Variants in IL15RA observed in about 807,000 individuals in gnomAD.
The protein encoded by IL15RA is interleukin 15 receptor subunit alpha.
In IL15RA, 26 loss-of-function variants were observed where a neutral mutation model predicts 24.2. The ratio of observed to expected loss-of-function variants is 1.07; its 90% CI spans 0.79 to 1.49. IL15RA has a LOEUF of 1.49. IL15RA is among the 40% of genes most tolerant of loss of function. The pLI, the probability that IL15RA is intolerant of heterozygous loss-of-function variation, is 0.00. For missense variants in IL15RA, 354 were observed against 356.4 expected (o/e 0.99, Z 0.05); for synonymous variants, 166 against 157.6 (o/e 1.05, Z -0.40).
Position 5,964,684 on chromosome 10 carries a change from G to A in IL15RA, c.284-843C>T, listed in dbSNP as rs937257976. Among the ~76,000 whole-genome samples the A allele has an allele frequency of 2.6e-5, 4 of 152,082 alleles. No individual in the cohort carries two copies. The highest frequency in any genetic ancestry group is 4.8e-5 in the African/African-American group (2 of 41,402). On this transcript the variant is annotated intron_variant, in intron 2 of 6. Transcript: ENST00000379977. This position sits in a 1 kb window ranked among gnomAD's most constrained non-coding sequence, Gnocchi z 5.6. Reference sequence around the variant, plus strand: ...GGAGCCCATAGCTCTTCTCCATCCCGGATTCATTTGCCCAAAGGACATGGA... The same window carrying A: ...GGAGCCCATAGCTCTTCTCCATCCCAGATTCATTTGCCCAAAGGACATGGA...
chr10:5,975,012 A>G lies in IL15RA; in HGVS notation c.88+2393T>C, dbSNP rs993592297. Among the ~76,000 whole-genome samples, 41 of 139,628 alleles carry G rather than the reference A, an allele frequency of 2.9e-4. No homozygotes were observed. Among genetic ancestry groups the G allele is most frequent in the African/African-American group, 9.8e-4 (39 of 39,882 alleles). 91.6% of individuals were successfully genotyped at this position (139,628 alleles called of 152,430 possible). A position where few individuals can be genotyped will look rare whatever the true frequency, so the allele number is the denominator to read the frequency against. ...CCAGCTTGGGAAACAATGGTGTGACATTGTTTCAAAAAAAAAAAAATTAAA... is the reference window on the plus strand; with the variant it reads ...CCAGCTTGGGAAACAATGGTGTGACGTTGTTTCAAAAAAAAAAAAATTAAA... On this transcript the variant is annotated intron_variant, in intron 1 of 6. Coordinates refer to ENST00000379977, the MANE Select transcript of IL15RA (RefSeq NM_002189.4). The surrounding 1 kb of genome is among the most constrained non-coding windows in gnomAD (Gnocchi z 4.8).
At chr10:5,972,185 A>G (rs1837720302) in intron 1 of IL15RA, among the ~76,000 whole-genome samples, 1 of 152,134 alleles carries the variant, frequency 6.6e-6, no homozygotes, top group Non-Finnish European at 1.5e-5. Flanking sequence ...CAGCTCCAGT[A>G]ATGCTCCCCT....
At position 5,959,638 on chromosome 10, in the gene IL15RA, G is replaced by C; in HGVS notation, c.616+116C>G. On this transcript the variant is annotated intron_variant, in intron 5 of 6. Transcript: ENST00000379977. This position sits in a 1 kb window ranked among gnomAD's most constrained non-coding sequence, Gnocchi z 4.1. ...TATCTGATGGAGGCCTTCTGAGTGT[G>C]GAAGGGGCTGCTGTCAGGGCTGTGC... 1.2e-6 allele frequency: 1 copy of C among 838,246 alleles called. No homozygotes were observed. The highest frequency in any genetic ancestry group is 1.4e-5 in the South Asian group (1 of 73,006). 51.9% of individuals were successfully genotyped at this position (838,246 alleles called of 1,614,324 possible).
Position 5,960,983 on chromosome 10 carries a change from A to G in IL15RA, c.383-416T>C, listed in dbSNP as rs1436442289. On this transcript the variant is annotated intron_variant, in intron 3 of 6. Coordinates refer to ENST00000379977, the MANE Select transcript of IL15RA (RefSeq NM_002189.4). This position sits in a 1 kb window ranked among gnomAD's most constrained non-coding sequence, Gnocchi z 5.1. ...GGTTGGAGTGCAGTGGCGCGATCTC[A>G]GCTCACTGCAACCTCTGCCTTCCGG... 6.6e-6 allele frequency among the ~76,000 whole-genome samples: 1 copy of G among 152,020 alleles called. No homozygotes were observed. Among genetic ancestry groups the G allele is most frequent in the Non-Finnish European group, 1.5e-5 (1 of 68,000 alleles).
At chr10:5,969,917 A>G (rs536374756) in intron 1 of IL15RA, among the ~76,000 whole-genome samples, 3 of 152,164 alleles carry the variant, frequency 2.0e-5, no homozygotes, top group Non-Finnish European at 4.4e-5. Context: ...TAAGTATTTC[A>G]TATTTTTTAT....
At chr10:5,949,473 G>T (rs746278847), downstream of IL15RA, among the ~76,000 whole-genome samples, 3 of 152,170 alleles carry the variant, frequency 2.0e-5, no homozygotes, top group Non-Finnish European at 4.4e-5. This position sits in a 1 kb window ranked among gnomAD's most constrained non-coding sequence, Gnocchi z 4.4. Context: ...GGGTCGGGCT[G>T]GTCCTGCCTG....
intron 1 of IL15RA, chr10:5,977,195 C>A: frequency 2.8e-6 from 1 of 352,512 alleles, no homozygotes; most frequent in Non-Finnish European, 5.1e-6. Flanking sequence ...GGCGCAGCGG[C>A]GGCGCTCTCC....
chr10:5,974,066 C>T (rs1412363320), intron 1 of IL15RA, among the ~76,000 whole-genome samples: 2 of 152,084 alleles, frequency 1.3e-5, no homozygotes, highest in Non-Finnish European at 2.9e-5. Context: ...GTGGCGCGAT[C>T]TCTGCTCACC....
At position 5,963,792 on chromosome 10, in the gene IL15RA, C is replaced by T. The variant is rs200323588; in HGVS notation, c.333G>A (p.Thr111=). 4 of 1,535,624 alleles carry T rather than the reference C, an allele frequency of 2.6e-6. No homozygotes were observed. Among genetic ancestry groups the T allele is most frequent in the Admixed American group, 2.5e-5 (1 of 40,410 alleles). ...HQRPAPPSTV[T]TAGVTPQPES... is the part of the protein sequence containing the mutation. ...CTGGCTGTGGGGTCACCCCTGCCGTCGTTACTGTGGAGGGTGGCGCTGGCC... is the reference window on the plus strand; with the variant it reads ...CTGGCTGTGGGGTCACCCCTGCCGTTGTTACTGTGGAGGGTGGCGCTGGCC... The change falls in exon 3 of 7, where the codon ACG becomes ACA. Residue 111 remains threonine, a synonymous_variant. Transcript: ENST00000379977. This position sits in a 1 kb window ranked among gnomAD's most constrained non-coding sequence, Gnocchi z 5.3.
chr10:5,969,893 G>A (rs900296687), intron 1 of IL15RA, among the ~76,000 whole-genome samples: 1 of 152,174 alleles, frequency 6.6e-6, no homozygotes, highest in African/African-American at 2.4e-5. Context: ...TACATCTTTT[G>A]TCAGACATAT....
At chr10:5,956,596 T>C (rs1029024939) in intron 5 of IL15RA, 142 bp from the exon 6 acceptor site, 3 of 667,658 alleles carry the variant, frequency 4.5e-6, no homozygotes, top group South Asian at 3.5e-5. Context: ...TTAAGGTCCA[T>C]GCAATTCCCC....
chr10:5,949,164 C>A (rs540006258), downstream of IL15RA: 1 of 468,608 alleles, frequency 2.1e-6, no homozygotes, highest in Non-Finnish European at 4.4e-6. This position sits in a 1 kb window ranked among gnomAD's most constrained non-coding sequence, Gnocchi z 4.4. Flanking sequence ...CTGGTGTCTT[C>A]CCTATAGACA....
rs1049442034 is a variant in IL15RA at position 5,961,523 on chromosome 10, G to A, written c.383-956C>T. 1.3e-5 allele frequency among the ~76,000 whole-genome samples: 2 copies of A among 152,374 alleles called. No individual in the cohort carries two copies. The highest frequency in any genetic ancestry group is 2.9e-5 in the Non-Finnish European group (2 of 68,036). On this transcript the variant is annotated intron_variant, in intron 3 of 6. Transcript: ENST00000379977. This position sits in a 1 kb window ranked among gnomAD's most constrained non-coding sequence, Gnocchi z 5.2. ...CTCAGCTGAGAGCAGGTGAAGCTGC[G>A]CTGGCCGAGGACGCTCGGAGCGGCT...
intron 1 of IL15RA, among the ~76,000 whole-genome samples, chr10:5,976,088 C>T (rs1373437268): frequency 6.6e-6 from 1 of 152,172 alleles, no homozygotes; most frequent in African/African-American, 2.4e-5. Context: ...TTGACTAAGG[C>T]TGCATTTCAC....
chr10:5,975,198 G>A lies in IL15RA; in HGVS notation c.88+2207C>T, dbSNP rs917667295. ...ACAACCCAAATGTCCCTTAACAAGT[G>A]AATGGCTAAACAAATGATGGGCTAG... is the stretch of plus-strand genomic sequence containing the variant. On this transcript the variant is annotated intron_variant, in intron 1 of 6. Transcript: ENST00000379977. This position sits in a 1 kb window ranked among gnomAD's most constrained non-coding sequence, Gnocchi z 4.8. Among the ~76,000 whole-genome samples, 15 of 150,982 alleles carry A rather than the reference G, an allele frequency of 9.9e-5. No individual in the cohort carries two copies. Among genetic ancestry groups the A allele is most frequent in the Non-Finnish European group, 2.1e-4 (14 of 68,020 alleles).
chr10:5,977,866 G>A, upstream of IL15RA: 1 of 373,660 alleles, frequency 2.7e-6, no homozygotes, highest in Non-Finnish European at 4.8e-6. Flanking sequence ...CCACTGCGAA[G>A]AGAGTGGGCA....
At position 5,968,877 on chromosome 10, in the gene IL15RA, C is replaced by A; in HGVS notation, c.89-2538G>T. The A allele has an allele frequency of 7.9e-7, 1 of 1,266,606 alleles. No individual in the cohort carries two copies. Among genetic ancestry groups the A allele is most frequent in the African/African-American group, 1.5e-5 (1 of 67,870 alleles). The allele number at this position is 1,266,606 out of a possible 1,614,324, so 78.5% of individuals were successfully genotyped here. On this transcript the variant is annotated intron_variant, in intron 1 of 6. Coordinates refer to ENST00000379977, the MANE Select transcript of IL15RA (RefSeq NM_002189.4). This position sits in a 1 kb window ranked among gnomAD's most constrained non-coding sequence, Gnocchi z 5.4. ...GTGTGTCTGGACCTCATGGTTGAAG[C>A]TTTCAGATATTCTGCTCCTTCCCGC... is the stretch of plus-strand genomic sequence containing the variant.
chr10:5,959,515 G>A lies in IL15RA; in HGVS notation c.616+239C>T, dbSNP rs968363879. 3.9e-5 allele frequency among the ~76,000 whole-genome samples: 6 copies of A among 152,182 alleles called. No individual in the cohort carries two copies. The highest frequency in any genetic ancestry group is 1.4e-4 in the African/African-American group (6 of 41,442). On this transcript the variant is annotated intron_variant, in intron 5 of 6. Transcript: ENST00000379977. The surrounding 1 kb of genome is among the most constrained non-coding windows in gnomAD (Gnocchi z 4.1). ...CTTATTTGGGGTGCCAGCTCTCTGGGTTCAACCCCAGTAGCCTGACAGCTA... is the reference window on the plus strand; with the variant it reads ...CTTATTTGGGGTGCCAGCTCTCTGGATTCAACCCCAGTAGCCTGACAGCTA...
Position 5,953,309 on chromosome 10 carries a change from CAGG to C in IL15RA, c.693-106_693-104del. 1 of 831,754 alleles carries C rather than the reference CAGG, an allele frequency of 1.2e-6. No individual in the cohort carries two copies. Among genetic ancestry groups the C allele is most frequent in the Non-Finnish European group, 2.1e-6 (1 of 483,432 alleles). 51.5% of individuals were successfully genotyped at this position (831,754 alleles called of 1,614,324 possible). On this transcript the variant is annotated intron_variant, in intron 6 of 6. Coordinates refer to ENST00000379977, the MANE Select transcript of IL15RA (RefSeq NM_002189.4). This position sits in a 1 kb window ranked among gnomAD's most constrained non-coding sequence, Gnocchi z 5.3. ...TGTATGTCCAGCACTGCGGGGATGG[CAGG>C]AGCAGACAGAGGCCCTGCCACGGGA...
Sources: gnomAD v4.1 joint callset for allele counts (sites outside exome capture counted in the v4.1 genomes callset) on GRCh38, gnomAD v4.1.1 for gene constraint, Gnocchi (gnomAD v3.1) non-coding constraint, MANE v1.5 for transcripts, NCBI Gene and HGNC (gene_info 2026-07-23, HGNC 2026-07-21) for gene names.